The following ILDR1 variants were observed in gnomAD, a reference collection of about 807,000 sequenced individuals.
ILDR1 encodes the protein immunoglobulin-like domain-containing receptor 1.
Under a neutral mutation model 62.4 loss-of-function variants are expected in ILDR1, and 56 were observed. That is an observed-to-expected ratio of 0.90 (90% CI 0.72 to 1.12). The LOEUF (loss-of-function observed/expected upper bound fraction) is 1.12, where lower values mean the gene tolerates loss of function less well. ILDR1 is among the 50% of genes most tolerant of loss of function. The pLI is 0.00. For synonymous variants in ILDR1, 284 were observed against 277.8 expected, an observed-to-expected ratio of 1.02 and a Z score of -0.22; for missense variants, 736 against 710.6, an observed-to-expected ratio of 1.04 and a Z score of -0.41.
Position 122,008,942 on chromosome 3 carries a change from C to CTT in ILDR1, c.59-1783_59-1782dup, listed in dbSNP as rs560987907. ...TTTTTCTTTCTTTCTTTCTTTTTTT[C>CTT]TTTTTTTTTGAGATACAGTCTTGCT... On this transcript the variant is annotated intron_variant, in intron 1 of 7. Coordinates refer to ENST00000344209, the MANE Select transcript of ILDR1 (RefSeq NM_001199799.2). Among the ~76,000 whole-genome samples, 1,038 of 149,080 alleles carry CTT rather than the reference C, an allele frequency of 7.0e-3. 13 individuals carry two copies. The highest frequency in any genetic ancestry group is 0.024 in the African/African-American group (955 of 40,562).
the ILDR1 span, among the ~76,000 whole-genome samples, chr3:122,047,630 A>G: frequency 6.6e-6 from 1 of 152,092 alleles, no homozygotes; most frequent in Non-Finnish European, 1.5e-5. Context: ...GCCGTTTTTT[A>G]AGCCGGTCTG....
intron 1 of ILDR1, among the ~76,000 whole-genome samples, chr3:122,014,117 A>G (rs2071743363): frequency 6.6e-6 from 1 of 152,226 alleles, no homozygotes; most frequent in Non-Finnish European, 1.5e-5. Flanking sequence ...TAACCCTTTG[A>G]GGAATATTCA....
upstream of ILDR1, among the ~76,000 whole-genome samples, chr3:122,026,587 G>A (rs2071923192): frequency 6.6e-6 from 1 of 152,196 alleles, no homozygotes; most frequent in African/African-American, 2.4e-5. Context: ...TCCTAAGGAT[G>A]GTTGGACACC....
At chr3:122,015,311 C>T (rs2071761766) in intron 1 of ILDR1, among the ~76,000 whole-genome samples, 1 of 152,222 alleles carries the variant, frequency 6.6e-6, no homozygotes, top group Non-Finnish European at 1.5e-5. Flanking sequence ...GCCTCTCCCA[C>T]ATTTCCCATC....
At chr3:122,052,664 C>T in the ILDR1 span, among the ~76,000 whole-genome samples, 4 of 152,324 alleles carry the variant, frequency 2.6e-5, no homozygotes, top group South Asian at 8.3e-4. Flanking sequence ...ACCTCCGCCT[C>T]CCGGGTTCAA....
the ILDR1 span, among the ~76,000 whole-genome samples, chr3:122,055,213 C>T: frequency 0.033 from 4,997 of 152,202 alleles, 262 homozygotes; most frequent in African/African-American, 0.11. Flanking sequence ...ACTCAAGCTA[C>T]TGAATTATAT....
chr3:122,025,992 TG>T (rs2071919155), upstream of ILDR1, among the ~76,000 whole-genome samples: 1 of 152,194 alleles, frequency 6.6e-6, no homozygotes, highest in South Asian at 2.1e-4. Context: ...AATATGACTT[TG>T]CCAGAGCAAT....
intron 2 of ILDR1, 102 bp from the exon 3 acceptor site, chr3:122,005,495 A>AT: frequency 7.7e-7 from 1 of 1,296,584 alleles, no homozygotes; most frequent in Non-Finnish European, 1.1e-6. Flanking sequence ...AAGTGTCTCA[A>AT]TTTTTCCCAA....
At chr3:122,047,143 G>T in the ILDR1 span, among the ~76,000 whole-genome samples, 30 of 148,188 alleles carry the variant, frequency 2.0e-4, no homozygotes, top group African/African-American at 7.2e-4. Flanking sequence ...TAACAGACAG[G>T]ACCCTCAGCT....
At chr3:122,040,901 T>C in the ILDR1 span, among the ~76,000 whole-genome samples, 2 of 152,036 alleles carry the variant, frequency 1.3e-5, no homozygotes, top group Non-Finnish European at 2.9e-5. Context: ...AAGAAAGAAT[T>C]GATGAGTTAC....
chr3:121,989,076 G>A (rs1439543988), intron 7 of ILDR1, among the ~76,000 whole-genome samples: 1 of 152,140 alleles, frequency 6.6e-6, no homozygotes, highest in African/African-American at 2.4e-5. Context: ...TGTGGTCCAT[G>A]AATGTAACCT....
chr3:122,049,434 CT>C, the ILDR1 span, among the ~76,000 whole-genome samples: 1 of 152,288 alleles, frequency 6.6e-6, no homozygotes, highest in Admixed American at 6.5e-5. Context: ...ACTAATTGAT[CT>C]TTTGTCTAGA....
At chr3:122,013,051 A>G (rs1219377355) in intron 1 of ILDR1, among the ~76,000 whole-genome samples, 1 of 152,204 alleles carries the variant, frequency 6.6e-6, no homozygotes, top group African/African-American at 2.4e-5. Flanking sequence ...GCCATCAGGT[A>G]CTTTCCAAGG....
intron 5 of ILDR1, among the ~76,000 whole-genome samples, chr3:121,997,057 T>C (rs1390129166): frequency 6.6e-6 from 1 of 152,060 alleles, no homozygotes; most frequent in East Asian, 1.9e-4. Context: ...CCCACCACCA[T>C]GCTCAGTTAA....
chr3:122,041,736 T>C, the ILDR1 span, among the ~76,000 whole-genome samples: 2 of 152,122 alleles, frequency 1.3e-5, no homozygotes, highest in Non-Finnish European at 2.9e-5. Flanking sequence ...GAAAAGCAAC[T>C]GATTTTTGTG....
the ILDR1 span, among the ~76,000 whole-genome samples, chr3:122,044,516 G>T: frequency 6.7e-6 from 1 of 149,752 alleles, no homozygotes; most frequent in African/African-American, 2.5e-5. Context: ...TTGTACCTCT[G>T]GTAGAATTCG....
intron 2 of ILDR1, among the ~76,000 whole-genome samples, chr3:122,005,949 A>C (rs2071603813): frequency 6.6e-6 from 1 of 152,068 alleles, no homozygotes; most frequent in Non-Finnish European, 1.5e-5. Context: ...AAAAAAAACC[A>C]AAACAGAAAA....
chr3:122,054,252 C>G, the ILDR1 span, among the ~76,000 whole-genome samples: 2 of 152,164 alleles, frequency 1.3e-5, no homozygotes, highest in Non-Finnish European at 2.9e-5. Context: ...AGCCTTATTT[C>G]TCCATGTTTA....
upstream of ILDR1, among the ~76,000 whole-genome samples, chr3:122,022,679 G>A (rs1248769837): frequency 6.6e-6 from 1 of 152,220 alleles, no homozygotes; most frequent in African/African-American, 2.4e-5. Flanking sequence ...CACTTTGGGA[G>A]GCCGAGGCGG....
Sources: allele counts gnomAD v4.1 joint callset (sites outside exome capture counted in the v4.1 genomes callset), GRCh38; gene constraint gnomAD v4.1.1; transcripts MANE v1.5; gene names NCBI Gene and HGNC (gene_info 2026-07-23, HGNC 2026-07-21).